The following CENPC variants were observed in gnomAD, a reference collection of about 807,000 sequenced individuals.
CENPC encodes CENP-C 1.
A neutral mutation model predicts 112.1 loss-of-function variants in CENPC; 63 were observed. That is an observed-to-expected ratio of 0.56 (90% CI 0.46 to 0.69). The LOEUF (loss-of-function observed/expected upper bound fraction) is 0.69. Among genes scored for constraint, CENPC ranks in the 30% least tolerant of loss-of-function variants. The pLI is 0.00. For synonymous variants in CENPC, 333 were observed against 367.6 expected, an observed-to-expected ratio of 0.91 and a Z score of 1.08; for missense variants, 1,000 against 1,103.8, an observed-to-expected ratio of 0.91 and a Z score of 1.33.
intron 5 of CENPC, among the ~76,000 whole-genome samples, chr4:67,523,258 A>G (rs1285198349): frequency 2.0e-5 from 3 of 152,062 alleles, no homozygotes; most frequent in African/African-American, 7.2e-5. Flanking sequence ...AGTTGCAGTG[A>G]GCCGAGATCA....
At chr4:67,488,483 G>A (rs1377559940) in intron 17 of CENPC, among the ~76,000 whole-genome samples, 2 of 151,950 alleles carry the variant, frequency 1.3e-5, no homozygotes, top group African/African-American at 4.8e-5. Context: ...TTCTAGAAAT[G>A]AGTCACAGGT....
chr4:67,522,845 C>G (rs956979940), intron 5 of CENPC, among the ~76,000 whole-genome samples: 2 of 151,940 alleles, frequency 1.3e-5, no homozygotes, highest in Non-Finnish European at 2.9e-5. Context: ...ACTAAAAATA[C>G]AAAAATTATG....
intron 10 of CENPC, among the ~76,000 whole-genome samples, 163 bp downstream of exon 10, chr4:67,508,651 T>G (rs1725802754): frequency 1.3e-5 from 2 of 152,086 alleles, no homozygotes; most frequent in South Asian, 4.1e-4. Context: ...CTACTTTGCC[T>G]GTGTGTCATC....
chr4:67,472,767 T>C lies in CENPC; in HGVS notation c.2762-92A>G, dbSNP rs1261125839. ...TAGTCATCACCTGACAGTTGTAGTA[T>C]AGGACACAAGATAAAAACAATTCAC... On this transcript the variant is annotated intron_variant, in intron 18 of 18. Coordinates refer to ENST00000273853, the MANE Select transcript of CENPC (RefSeq NM_001812.4). The C allele has an allele frequency of 1.4e-5, 18 of 1,262,548 alleles. No individual in the cohort carries two copies. The East Asian group carries it at 3.9e-4, about 28-fold the overall frequency. The allele number at this position is 1,262,548 out of a possible 1,614,324, so 78.2% of individuals were successfully genotyped here.
chr4:67,519,190 G>T (rs773541198), intron 6 of CENPC, 27 bp downstream of exon 6: 9 of 1,475,632 alleles, frequency 6.1e-6, no homozygotes, highest in South Asian at 2.9e-5. Context: ...TTTAAAGTGC[G>T]TTAACATTAT....
intron 15 of CENPC, 77 bp from the exon 16 acceptor site, chr4:67,492,352 A>G (rs1244064466): frequency 1.2e-6 from 1 of 844,958 alleles, no homozygotes; most frequent in Admixed American, 2.5e-5. Context: ...AGTACAAAAT[A>G]TAGCTATAGA....
intron 17 of CENPC, among the ~76,000 whole-genome samples, chr4:67,479,593 T>C (rs546421656): frequency 3.3e-5 from 5 of 152,304 alleles, no homozygotes; most frequent in South Asian, 4.1e-4. Flanking sequence ...GGAAAGTTAA[T>C]AGCATTAAAT....
At chr4:67,523,323 A>T (rs1198470468) in intron 5 of CENPC, among the ~76,000 whole-genome samples, 2 of 152,150 alleles carry the variant, frequency 1.3e-5, no homozygotes, top group African/African-American at 2.4e-5. Flanking sequence ...AAAAACAAAA[A>T]ATGAATGACG....
intron 12 of CENPC, among the ~76,000 whole-genome samples, chr4:67,497,513 TAA>T (rs1725470115): frequency 6.6e-6 from 1 of 152,170 alleles, no homozygotes; most frequent in African/African-American, 2.4e-5. Context: ...CTGGTGAATA[TAA>T]AAGTTATTTC....
chr4:67,485,859 A>C (rs919700438), intron 17 of CENPC, among the ~76,000 whole-genome samples: 3 of 152,070 alleles, frequency 2.0e-5, no homozygotes, highest in African/African-American at 7.2e-5. Context: ...AGGCACAGAG[A>C]GGTTAAGTAA....
At chr4:67,509,178 A>G in intron 9 of CENPC, 73 bp from the exon 10 acceptor site, 2 of 938,474 alleles carry the variant, frequency 2.1e-6, no homozygotes, top group Non-Finnish European at 3.2e-6. Context: ...TACCAACAGC[A>G]TTTATATTTG....
At chr4:67,528,698 A>T (rs1323881215) in intron 5 of CENPC, among the ~76,000 whole-genome samples, 3 of 152,218 alleles carry the variant, frequency 2.0e-5, no homozygotes, top group African/African-American at 7.2e-5. Context: ...TATAAATCAC[A>T]TGCTGTTTAT....
intron 9 of CENPC, chr4:67,511,043 G>C (rs1286076691): frequency 2.2e-6 from 1 of 456,132 alleles, no homozygotes; most frequent in South Asian, 1.5e-5. Flanking sequence ...AGAAAAGTGA[G>C]TTCCCCAAAG....
intron 13 of CENPC, 30 bp downstream of exon 13, chr4:67,495,129 G>A: frequency 1.4e-6 from 2 of 1,470,878 alleles, no homozygotes; most frequent in Non-Finnish European, 9.0e-7. Context: ...TTTTCTCAAT[G>A]AAAATATTAA....
intron 4 of CENPC, among the ~76,000 whole-genome samples, chr4:67,534,745 C>T (rs1249674589): frequency 6.6e-6 from 1 of 152,182 alleles, no homozygotes; most frequent in Non-Finnish European, 1.5e-5. Context: ...AACTACACCA[C>T]AGTGACATCC....
chr4:67,525,239 G>C (rs1726341397), intron 5 of CENPC, among the ~76,000 whole-genome samples: 1 of 152,072 alleles, frequency 6.6e-6, no homozygotes. Flanking sequence ...AGAAAACCTA[G>C]GCAATACCAT....
chr4:67,493,151 A>C (rs1288924024), intron 14 of CENPC, among the ~76,000 whole-genome samples, 154 bp from the exon 15 acceptor site: 1 of 152,126 alleles, frequency 6.6e-6, no homozygotes, highest in Non-Finnish European at 1.5e-5. Flanking sequence ...AACCAATTTC[A>C]TTATATCTCT....
chr4:67,479,668 A>C (rs865938325), intron 17 of CENPC, among the ~76,000 whole-genome samples: 1 of 152,224 alleles, frequency 6.6e-6, no homozygotes, highest in Non-Finnish European at 1.5e-5. Flanking sequence ...AAGGAGCTAG[A>C]GAAATAAAAA....
At chr4:67,511,820 A>G (rs1332228351) in intron 9 of CENPC, among the ~76,000 whole-genome samples, 1 of 152,062 alleles carries the variant, frequency 6.6e-6, no homozygotes, top group Non-Finnish European at 1.5e-5. Flanking sequence ...GTGGGAATCC[A>G]CTGGGAAAGG....
Sources: gnomAD v4.1 joint callset for allele counts (sites outside exome capture counted in the v4.1 genomes callset) on GRCh38, gnomAD v4.1.1 for gene constraint, MANE v1.5 for transcripts, NCBI Gene and HGNC (gene_info 2026-07-23, HGNC 2026-07-21) for gene names.